The following AP3D1 variants were observed in gnomAD, a reference collection of about 807,000 sequenced individuals.
AP3D1 encodes the protein AP-3 complex subunit delta-1.
Under a neutral mutation model 147.6 loss-of-function variants are expected in AP3D1, and 51 were observed. The observed-to-expected ratio is 0.35, with a 90% CI of 0.28 to 0.44. AP3D1 has a LOEUF of 0.44. Among genes scored for constraint, AP3D1 ranks in the 20% least tolerant of loss-of-function variants. AP3D1 has a pLI of 1.00. For synonymous variants in AP3D1, 760 were observed against 663.0 expected (o/e 1.15, Z -2.25); for missense variants, 1,421 against 1,624.2 (o/e 0.87, Z 2.15).
At chr19:2,139,763 C>T (rs1026151302) in intron 1 of AP3D1, among the ~76,000 whole-genome samples, 2 of 152,208 alleles carry the variant, frequency 1.3e-5, no homozygotes, top group African/African-American at 2.4e-5. Flanking sequence ...GCCCCTACGT[C>T]GGGATGCAAT....
intron 31 of AP3D1, among the ~76,000 whole-genome samples, chr19:2,105,880 G>GT (rs1348058937): frequency 6.6e-6 from 1 of 152,132 alleles, no homozygotes; most frequent in African/African-American, 2.4e-5. Flanking sequence ...CGGATCAGGA[G>GT]TTTGAGACCA....
chr19:2,114,399 C>G, intron 21 of AP3D1, 97 bp from the exon 22 acceptor site: 1 of 1,034,762 alleles, frequency 9.7e-7, no homozygotes, highest in Non-Finnish European at 1.4e-6. Context: ...AGTGCGGGAC[C>G]TGCTCCTCCA....
intron 9 of AP3D1, among the ~76,000 whole-genome samples, chr19:2,125,901 C>T (rs1360758161): frequency 6.6e-6 from 1 of 151,594 alleles, no homozygotes; most frequent in Admixed American, 6.6e-5. Context: ...AATCCCATCA[C>T]TTTGAGAGGT....
At chr19:2,143,718 G>T (rs949794950) in intron 1 of AP3D1, among the ~76,000 whole-genome samples, 1 of 151,930 alleles carries the variant, frequency 6.6e-6, no homozygotes, top group Non-Finnish European at 1.5e-5. Context: ...AGGGGGCCGC[G>T]ATCGCACCAC....
intron 14 of AP3D1, among the ~76,000 whole-genome samples, 158 bp from the exon 15 acceptor site, chr19:2,118,990 G>A (rs897174171): frequency 1.3e-5 from 2 of 152,210 alleles, no homozygotes; most frequent in Admixed American, 6.5e-5. Context: ...CGAAGTAGAA[G>A]AAACCACAGG....
In AP3D1 at chr19:2,110,013, C is replaced by A. The variant is rs1160895500; in HGVS notation, c.3265-55G>T. 3 of 1,600,488 alleles carry A rather than the reference C, an allele frequency of 1.9e-6. No individual in the cohort carries two copies. The African/African-American group carries it at 4.0e-5, about 21-fold the overall frequency. On this transcript the variant is annotated intron_variant, in intron 28 of 31. Transcript: ENST00000643116. The stretch of plus-strand genomic sequence containing the variant: ...GAGGGGAGTCGGGCCCAGCTCAGGG[C>A]TCAGGGTTCCCCAGGCAGGTGGCCC...
chr19:2,115,680 G>A (rs1291129741), intron 18 of AP3D1, 67 bp from the exon 19 acceptor site: 3 of 1,518,436 alleles, frequency 2.0e-6, no homozygotes, highest in Non-Finnish European at 2.7e-6. Context: ...ACAAGCCTCG[G>A]GGATGCAGGG....
At position 2,121,111 on chromosome 19, in the gene AP3D1, G is replaced by C. The variant is rs550263611; in HGVS notation, c.1251-19C>G. On this transcript the variant is annotated intron_variant, in intron 13 of 31. Coordinates refer to ENST00000643116, the MANE Select transcript of AP3D1 (RefSeq NM_001261826.3). ...GATGTACCTGTGGGGCAGAGGCGGT[G>C]AGTGAGCGGCGCCACGGAACCCCCG... is the stretch of plus-strand genomic sequence containing the variant. 10 of 1,613,712 alleles carry C rather than the reference G, an allele frequency of 6.2e-6. No homozygotes were observed. The highest frequency in any genetic ancestry group is 1.7e-5 in the Admixed American group (1 of 60,016).
In AP3D1 at chr19:2,112,880, C is replaced by T. The variant is rs775666312; in HGVS notation, c.2767G>A (p.Glu923Lys). Residue 923 changes from glutamate (E) to lysine (K), a missense_variant, in exon 24 of 32, where the codon GAG (glutamate) becomes AAG (lysine). Glu to Lys is a moderately conservative substitution (Grantham distance 56). Transcript: ENST00000643116. ...CTCACCTTGTCCTGGTCTTGCCCCTCGGCATCGTCCTCCTCGCCCTGCGCC... is the reference window on the plus strand; with the variant it reads ...CTCACCTTGTCCTGGTCTTGCCCCTTGGCATCGTCCTCCTCGCCCTGCGCC... ...TEAQGEEDDAEGQDQDKKSPK... is the reference protein window; with the variant it reads ...TEAQGEEDDAKGQDQDKKSPK... 9 of 1,612,330 alleles carry T rather than the reference C, an allele frequency of 5.6e-6. No homozygotes were observed. Among genetic ancestry groups the T allele is most frequent in the African/African-American group, 2.7e-5 (2 of 74,898 alleles).
chr19:2,125,453 T>A (rs1330552489), intron 9 of AP3D1, among the ~76,000 whole-genome samples: 2 of 152,114 alleles, frequency 1.3e-5, no homozygotes, highest in Non-Finnish European at 2.9e-5. Flanking sequence ...GTAGTCGGGA[T>A]TACAGGCGCC....
At chr19:2,123,563 G>A (rs2018667930) in intron 10 of AP3D1, among the ~76,000 whole-genome samples, 157 bp from the exon 11 acceptor site, 1 of 152,142 alleles carries the variant, frequency 6.6e-6, no homozygotes, top group Admixed American at 6.5e-5. Context: ...GCCCACATGG[G>A]GCACTGGAGA....
rs111610867 is a variant in AP3D1 at position 2,120,179 on chromosome 19, G to C, written c.1481+683C>G. ...CAGCAAATCTCATAAATTTCCAAGA[G>C]AGCCTGGAAATCCAGACTGCTGTGA... On this transcript the variant is annotated intron_variant, in intron 14 of 31. Transcript: ENST00000643116. 2.9e-3 allele frequency among the ~76,000 whole-genome samples: 445 copies of C among 152,318 alleles called. 3 individuals carry two copies. The highest frequency in any genetic ancestry group is 0.01 in the African/African-American group (430 of 41,574).
At chr19:2,124,908 C>T (rs1213946964) in intron 9 of AP3D1, among the ~76,000 whole-genome samples, 1 of 152,180 alleles carries the variant, frequency 6.6e-6, no homozygotes, top group African/African-American at 2.4e-5. Flanking sequence ...CATTGAACTC[C>T]AGCCTGGGCA....
Position 2,102,005 on chromosome 19 carries a change from A to G in AP3D1, c.*168T>C, listed in dbSNP as rs2017966827. Reference sequence around the variant, plus strand: ...TCACAGTAAAAAAGGATGGTCAGATAATTCAACGCAACAAATGACCTCGGA... The same window carrying G: ...TCACAGTAAAAAAGGATGGTCAGATGATTCAACGCAACAAATGACCTCGGA... On this transcript the variant is annotated 3_prime_UTR_variant, in exon 32 of 32. Coordinates refer to ENST00000643116, the MANE Select transcript of AP3D1 (RefSeq NM_001261826.3). 2 of 608,732 alleles carry G rather than the reference A, an allele frequency of 3.3e-6. No homozygotes were observed. Among genetic ancestry groups the G allele is most frequent in the Non-Finnish European group, 5.8e-6 (2 of 346,070 alleles). 37.7% of individuals were successfully genotyped at this position (608,732 alleles called of 1,614,324 possible). A position where few individuals can be genotyped will look rare whatever the true frequency, so the allele number is the denominator to read the frequency against.
intron 31 of AP3D1, among the ~76,000 whole-genome samples, chr19:2,103,693 CA>C (rs1407022268): frequency 2.0e-5 from 3 of 152,126 alleles, no homozygotes; most frequent in Non-Finnish European, 4.4e-5. Context: ...CCCCAGAAGG[CA>C]GGGGGGACTT....
intron 11 of AP3D1, among the ~76,000 whole-genome samples, 166 bp from the exon 12 acceptor site, chr19:2,122,045 T>C (rs1048518419): frequency 2.0e-5 from 3 of 152,162 alleles, no homozygotes; most frequent in African/African-American, 7.2e-5. Context: ...CCACGAGGGA[T>C]GTCGCCCTAG....
Position 2,121,768 on chromosome 19 carries a change from A to G in AP3D1, c.1067T>C (p.Ile356Thr). The stretch of plus-strand genomic sequence containing the variant: ...GAGCAGGTCCAGGGCCCGCAGCCGG[A>G]TGGACTCGTCCTTGTCGTCCAGGCA... ...LQCLDDKDESIRLRALDLLYG... is the reference protein window; with the variant it reads ...LQCLDDKDESTRLRALDLLYG... The change falls in exon 12 of 32, where the codon ATC becomes ACC. Residue 356 changes from isoleucine to threonine, a missense_variant. Ile to Thr is a moderately conservative substitution (Grantham distance 89). Around this residue, in one of 6 missense-constraint regions of AP3D1, gnomAD observed 310 missense variants for 388.1 expected, o/e 0.80. Transcript: ENST00000643116. 1 of 1,611,152 alleles carries G rather than the reference A, an allele frequency of 6.2e-7. No individual in the cohort carries two copies. Among genetic ancestry groups the G allele is most frequent in the East Asian group, 2.2e-5 (1 of 44,810 alleles).
chr19:2,114,659 G>A (rs2018388769), intron 21 of AP3D1, 89 bp downstream of exon 21: 1 of 620,288 alleles, frequency 1.6e-6, no homozygotes, highest in Non-Finnish European at 2.8e-6. Flanking sequence ...CCACCCTGCA[G>A]AGCCCGGCCC....
intron 4 of AP3D1, 44 bp downstream of exon 4, chr19:2,136,967 A>C (rs779783204): frequency 6.6e-7 from 1 of 1,521,642 alleles, no homozygotes; most frequent in East Asian, 2.4e-5. Flanking sequence ...CGGCAAGGGC[A>C]GACTGCACTC....
Sources: allele counts gnomAD v4.1 joint callset (sites outside exome capture counted in the v4.1 genomes callset), GRCh38; gene constraint gnomAD v4.1.1; regional missense constraint gnomAD v4.1.1; transcripts MANE v1.5; gene names NCBI Gene and HGNC (gene_info 2026-07-23, HGNC 2026-07-21).